Variants in EPB41L4A observed in about 807,000 individuals in gnomAD.
EPB41L4A encodes band 4.1-like protein 4A.
A neutral mutation model predicts 108.6 loss-of-function variants in EPB41L4A; 100 were observed. That is an observed-to-expected ratio of 0.92 (90% confidence interval 0.78 to 1.09). The LOEUF (loss-of-function observed/expected upper bound fraction) is 1.09. Ranked by LOEUF, EPB41L4A falls within the 50% of genes least tolerant of loss-of-function variation. EPB41L4A has a pLI of 0.00. For synonymous variants in EPB41L4A, 319 were observed against 289.0 expected (o/e 1.10, Z -1.05); for missense variants, 1,030 against 842.7 (o/e 1.22, Z -2.75).
chr5:112,196,384 A>G (rs568262679), intron 15 of EPB41L4A, among the ~76,000 whole-genome samples: 1 of 152,374 alleles, frequency 6.6e-6, no homozygotes, highest in Non-Finnish European at 1.5e-5. Context: ...TCTAAAGGAT[A>G]AAACGAATTA....
intron 1 of EPB41L4A, among the ~76,000 whole-genome samples, chr5:112,409,953 C>A (rs1197483524): frequency 7.2e-5 from 11 of 152,218 alleles, no homozygotes; most frequent in African/African-American, 2.2e-4. Context: ...CTTCACCTCA[C>A]TGTATTCCTC....
chr5:112,415,287 C>CTA (rs1177186635), intron 1 of EPB41L4A, among the ~76,000 whole-genome samples: 1 of 151,990 alleles, frequency 6.6e-6, no homozygotes, highest in Admixed American at 6.6e-5. Flanking sequence ...AATGGATGAA[C>CTA]TATACACTTT....
chr5:112,314,407 C>T (rs1262820059), intron 1 of EPB41L4A, among the ~76,000 whole-genome samples: 4 of 146,016 alleles, frequency 2.7e-5, no homozygotes, highest in Non-Finnish European at 6.0e-5. Context: ...GTGGCTCATG[C>T]CTGTAATCCC....
At chr5:112,260,037 C>A in intron 7 of EPB41L4A, 58 bp from the exon 8 acceptor site, 1 of 1,186,766 alleles carries the variant, frequency 8.4e-7, no homozygotes, top group Non-Finnish European at 1.3e-6. Flanking sequence ...CTTTGTCAAA[C>A]TATAATTGAC....
chr5:112,241,328 T>C (rs1368802970), intron 9 of EPB41L4A, among the ~76,000 whole-genome samples: 1 of 152,216 alleles, frequency 6.6e-6, no homozygotes, highest in Non-Finnish European at 1.5e-5. Flanking sequence ...GCCATGTCTC[T>C]CCATCCTGCA....
intron 1 of EPB41L4A, among the ~76,000 whole-genome samples, chr5:112,380,371 T>C (rs1488423235): frequency 6.6e-6 from 1 of 152,220 alleles, no homozygotes; most frequent in Non-Finnish European, 1.5e-5. Context: ...AAATAGTACT[T>C]AGTTGTAACT....
intron 12 of EPB41L4A, among the ~76,000 whole-genome samples, chr5:112,152,538 G>A (rs1284021804): frequency 1.3e-5 from 2 of 152,146 alleles, no homozygotes; most frequent in Admixed American, 6.5e-5. Context: ...TTGTAGGGAT[G>A]CAGCAAGAAG....
intron 1 of EPB41L4A, among the ~76,000 whole-genome samples, chr5:112,410,018 G>A (rs1325243499): frequency 2.0e-5 from 3 of 152,144 alleles, no homozygotes; most frequent in Admixed American, 1.3e-4. Flanking sequence ...ATGCAGTCTG[G>A]ATTAGGGTCA....
chr5:112,184,023 A>G lies in EPB41L4A; in HGVS notation c.1615T>C (p.Ser539Pro). 1 of 1,614,034 alleles carries G rather than the reference A, an allele frequency of 6.2e-7. No individual in the cohort carries two copies. Among genetic ancestry groups the G allele is most frequent in the Non-Finnish European group, 8.5e-7 (1 of 1,179,946 alleles). The change falls in exon 18 of 23, where the codon TCT becomes CCT. Residue 539 changes from serine (S) to proline (P), a missense_variant. Transcript: ENST00000261486. Reference sequence around the variant, plus strand: ...TAAAAAGAGTCCACATACGAACGAGATCTGTGTCTGGATCGCCTGTTGTTG... The same window carrying G: ...TAAAAAGAGTCCACATACGAACGAGGTCTGTGTCTGGATCGCCTGTTGTTG... ...DPNNRRSRHR[S>P]RSRSPDIQAK...
At chr5:112,295,857 T>C (rs1231509370) in intron 2 of EPB41L4A, among the ~76,000 whole-genome samples, 1 of 152,206 alleles carries the variant, frequency 6.6e-6, no homozygotes, top group African/African-American at 2.4e-5. Context: ...TTCCATACTC[T>C]AGCTACTGTC....
At position 112,324,649 on chromosome 5, in the gene EPB41L4A, G is replaced by T. The variant is rs576877040; in HGVS notation, c.100-17159C>A. On this transcript the variant is annotated intron_variant, in intron 1 of 22. Transcript: ENST00000261486. ...GAGGCAGGAGAATCACTTGAACCCA[G>T]GGGCGGAAGTTGCAGTGAGCCGAGA... Among the ~76,000 whole-genome samples the T allele has an allele frequency of 6.1e-5, 9 of 148,696 alleles. No homozygotes were observed. In the East Asian group the frequency reaches 1.8e-3, roughly 30 times the overall value.
chr5:112,241,492 C>A (rs1749784007), intron 9 of EPB41L4A, among the ~76,000 whole-genome samples: 1 of 152,130 alleles, frequency 6.6e-6, no homozygotes, highest in Non-Finnish European at 1.5e-5. Context: ...TACAAATCAG[C>A]CCTCTATATC....
intron 12 of EPB41L4A, among the ~76,000 whole-genome samples, chr5:112,223,050 T>G (rs534477735): frequency 8.5e-4 from 129 of 152,122 alleles, no homozygotes; most frequent in Non-Finnish European, 1.4e-3. Context: ...GCGATTCTTG[T>G]GCCTCAGCCT....
intron 9 of EPB41L4A, among the ~76,000 whole-genome samples, chr5:112,252,898 AT>A (rs1395932628): frequency 6.6e-6 from 1 of 152,202 alleles, no homozygotes; most frequent in African/African-American, 2.4e-5. Flanking sequence ...CATTGAAAAA[AT>A]AGAAGTTAAT....
intron 15 of EPB41L4A, among the ~76,000 whole-genome samples, chr5:112,201,458 T>C (rs1457892639): frequency 6.6e-6 from 1 of 152,224 alleles, no homozygotes; most frequent in African/African-American, 2.4e-5. Context: ...GCAATTATTT[T>C]GTATGAAAAT....
At chr5:112,382,669 T>C (rs1760249951) in intron 1 of EPB41L4A, among the ~76,000 whole-genome samples, 1 of 152,192 alleles carries the variant, frequency 6.6e-6, no homozygotes, top group Admixed American at 6.5e-5. Flanking sequence ...GAGAGCACTG[T>C]CACTTGATGT....
At chr5:112,221,529 A>G (rs1748047876) in intron 12 of EPB41L4A, among the ~76,000 whole-genome samples, 1 of 152,216 alleles carries the variant, frequency 6.6e-6, no homozygotes, top group Non-Finnish European at 1.5e-5. Flanking sequence ...TATAGTGCAC[A>G]GCTGGATTAA....
At chr5:112,336,818 T>A (rs1011891440) in intron 1 of EPB41L4A, among the ~76,000 whole-genome samples, 83 of 152,152 alleles carry the variant, frequency 5.5e-4, no homozygotes, top group Non-Finnish European at 8.8e-4. Context: ...GTCCTAGAGG[T>A]ATTTGGGGTC....
intron 9 of EPB41L4A, among the ~76,000 whole-genome samples, chr5:112,251,155 C>A (rs972270598): frequency 2.0e-5 from 3 of 152,074 alleles, no homozygotes; most frequent in African/African-American, 7.2e-5. Flanking sequence ...ATCTATAGTT[C>A]CAGGACTTCT....
Sources: gnomAD v4.1 joint callset for allele counts (sites outside exome capture counted in the v4.1 genomes callset) on GRCh38, gnomAD v4.1.1 for gene constraint, MANE v1.5 for transcripts, NCBI Gene and HGNC (gene_info 2026-07-23, HGNC 2026-07-21) for gene names.